The following C5orf46 variants were observed in gnomAD, a reference collection of about 807,000 sequenced individuals.
The protein encoded by C5orf46 is uncharacterized protein C5orf46.
C5orf46 carries 9 observed loss-of-function variants against 8.9 expected under a neutral mutation model. That is an observed-to-expected ratio of 1.01 (90% CI 0.61 to 1.76). C5orf46 has a LOEUF of 1.76. Among genes scored for constraint, C5orf46 ranks in the 40% most tolerant of loss-of-function variants. The pLI is 0.00. For missense variants in C5orf46, 98 were observed against 107.8 expected, an observed-to-expected ratio of 0.91 and a Z score of 0.40; for synonymous variants, 47 against 41.4, an observed-to-expected ratio of 1.14 and a Z score of -0.52.
intron 2 of C5orf46, among the ~76,000 whole-genome samples, 163 bp from the exon 3 acceptor site, chr5:147,897,204 C>T (rs986367434): frequency 2.0e-5 from 3 of 152,054 alleles, no homozygotes; most frequent in African/African-American, 7.2e-5. Flanking sequence ...TCATAGTGGG[C>T]AAGTAATTTA....
At chr5:147,906,289 C>T (rs1169688333) in intron 1 of C5orf46, 143 bp downstream of exon 1, 3 of 451,744 alleles carry the variant, frequency 6.6e-6, no homozygotes, top group Admixed American at 3.9e-5. Context: ...TTAGAAGATA[C>T]ACCTCTTGTC....
At chr5:147,886,473 TG>T (rs964115971) in intron 2 of C5orf46, 15 of 151,134 alleles carry the variant, frequency 9.9e-5, no homozygotes, top group African/African-American at 3.1e-4. Flanking sequence ...TATAATCATA[TG>T]GAATATAATT....
intron 1 of C5orf46, 71 bp from the exon 2 acceptor site, chr5:147,901,844 C>A: frequency 2.0e-6 from 3 of 1,519,054 alleles, no homozygotes; most frequent in East Asian, 2.4e-5. Flanking sequence ...GTGTGGGGAA[C>A]GCTTGGGATT....
At chr5:147,891,921 C>G (rs536437914), downstream of C5orf46, among the ~76,000 whole-genome samples, 11 of 151,694 alleles carry the variant, frequency 7.3e-5, no homozygotes, top group African/African-American at 2.2e-4. Context: ...GCATGCACAC[C>G]TCTTCTGGCT....
At chr5:147,890,835 C>A (rs960838464), downstream of C5orf46, among the ~76,000 whole-genome samples, 4 of 148,130 alleles carry the variant, frequency 2.7e-5, no homozygotes, top group Non-Finnish European at 5.9e-5. Flanking sequence ...CAGGTAGGAT[C>A]TTTGCCACAT....
downstream of C5orf46, among the ~76,000 whole-genome samples, chr5:147,892,506 C>G (rs188409139): frequency 6.0e-4 from 92 of 152,228 alleles, no homozygotes; most frequent in Non-Finnish European, 9.4e-4. Flanking sequence ...GTTTTGAGGT[C>G]AGGTTTTAAT....
intron 2 of C5orf46, chr5:147,886,690 CTTAT>C (rs1379189012): frequency 2.0e-5 from 3 of 150,582 alleles, no homozygotes; most frequent in Admixed American, 6.6e-5. Context: ...TGACATATGC[CTTAT>C]TTAAATTGTT....
At chr5:147,886,615 T>A (rs894683907) in intron 2 of C5orf46, 1 of 151,304 alleles carries the variant, frequency 6.6e-6, no homozygotes, top group African/African-American at 2.4e-5. Context: ...CACATTGATG[T>A]GCTTTTTTCA....
chr5:147,906,448 G>A lies in C5orf46; in HGVS notation c.54C>T (p.Phe18=), dbSNP rs1448103198. 2 of 1,610,942 alleles carry A rather than the reference G, an allele frequency of 1.2e-6. No individual in the cohort carries two copies. Among genetic ancestry groups the A allele is most frequent in the Admixed American group, 1.7e-5 (1 of 59,906 alleles). Residue 18 remains phenylalanine, a synonymous_variant, in exon 1 of 4, where the codon TTC becomes TTT. Coordinates refer to ENST00000318315, the MANE Select transcript of C5orf46 (RefSeq NM_206966.3). ...LTVVLGLLVL[F]LTCYADDKPD... The stretch of plus-strand genomic sequence containing the variant: ...AGCACTTACCTGCATAGCAGGTCAG[G>A]AATAAGACAAGCAGTCCCAGGACAA...
intron 3 of C5orf46, among the ~76,000 whole-genome samples, chr5:147,893,748 G>A (rs1757538461): frequency 6.6e-6 from 1 of 152,076 alleles, no homozygotes; most frequent in South Asian, 2.1e-4. Flanking sequence ...CTCCATGTTG[G>A]TCAGGCTGGT....
chr5:147,891,064 C>T (rs1358865637), downstream of C5orf46, among the ~76,000 whole-genome samples: 2 of 152,150 alleles, frequency 1.3e-5, no homozygotes, highest in Non-Finnish European at 2.9e-5. Flanking sequence ...CAGCATGTCA[C>T]AGGGGAATTC....
chr5:147,901,494 C>T, intron 2 of C5orf46, 135 bp downstream of exon 2: 2 of 772,966 alleles, frequency 2.6e-6, no homozygotes, highest in South Asian at 2.7e-5. Context: ...AGTAGGGCAA[C>T]ATTTTTCAAT....
intron 3 of C5orf46, among the ~76,000 whole-genome samples, chr5:147,896,300 A>G (rs1757579279): frequency 6.6e-6 from 1 of 152,100 alleles, no homozygotes; most frequent in African/African-American, 2.4e-5. Context: ...TCATTTCCTT[A>G]TTTATAAAAT....
At chr5:147,900,689 A>C (rs886462047) in intron 2 of C5orf46, among the ~76,000 whole-genome samples, 9 of 152,206 alleles carry the variant, frequency 5.9e-5, no homozygotes, top group Admixed American at 5.2e-4. Context: ...TGCATTTTTA[A>C]AAATAAATTC....
intron 2 of C5orf46, among the ~76,000 whole-genome samples, chr5:147,898,152 A>C (rs1015648149): frequency 6.6e-6 from 1 of 152,140 alleles, no homozygotes; most frequent in East Asian, 1.9e-4. Flanking sequence ...CTTATTAGAA[A>C]TCCAATAAAA....
At chr5:147,897,771 T>C (rs896052370) in intron 2 of C5orf46, among the ~76,000 whole-genome samples, 4 of 152,212 alleles carry the variant, frequency 2.6e-5, no homozygotes, top group Non-Finnish European at 5.9e-5. Flanking sequence ...TGTTTTTGAA[T>C]TGGGCTTTAG....
At chr5:147,897,116 T>TA in intron 2 of C5orf46, 75 bp from the exon 3 acceptor site, 1 of 648,368 alleles carries the variant, frequency 1.5e-6, no homozygotes, top group East Asian at 3.1e-5. Flanking sequence ...TAAGGCGCTG[T>TA]ATAATGTTTG....
At chr5:147,902,442 A>G (rs1270575031) in intron 1 of C5orf46, among the ~76,000 whole-genome samples, 1 of 152,146 alleles carries the variant, frequency 6.6e-6, no homozygotes, top group Non-Finnish European at 1.5e-5. Flanking sequence ...ACAAAGTGAG[A>G]CCCTGTCTCT....
At chr5:147,905,616 G>T (rs982391602) in intron 1 of C5orf46, among the ~76,000 whole-genome samples, 3 of 152,146 alleles carry the variant, frequency 2.0e-5, no homozygotes, top group Non-Finnish European at 4.4e-5. Context: ...ACAGACTTTT[G>T]CAGACAAACA....
Sources: gnomAD v4.1 joint callset for allele counts (sites outside exome capture counted in the v4.1 genomes callset) on GRCh38, gnomAD v4.1.1 for gene constraint, MANE v1.5 for transcripts, NCBI Gene and HGNC (gene_info 2026-07-23, HGNC 2026-07-21) for gene names.